The following PARP4 variants were observed in gnomAD, a reference collection of about 807,000 sequenced individuals.
The protein encoded by PARP4 is protein mono-ADP-ribosyltransferase PARP4.
PARP4 carries 120 observed loss-of-function variants against 187.7 expected under a neutral mutation model. The observed-to-expected ratio is 0.64, with a 90% CI of 0.55 to 0.74. The LOEUF is 0.74. Ranked by LOEUF, PARP4 falls within the 30% of genes least tolerant of loss-of-function variation. The probability of loss-of-function intolerance (pLI) is 0.00; values close to 1 mark genes in which losing one functional copy is unlikely to be tolerated. For missense variants in PARP4, 1,836 were observed against 2,070.5 expected, an observed-to-expected ratio of 0.89 and a Z score of 2.20; for synonymous variants, 654 against 740.9, an observed-to-expected ratio of 0.88 and a Z score of 1.90.
chr13:24,440,434 A>C (rs1415325857), intron 30 of PARP4, among the ~76,000 whole-genome samples: 1 of 151,260 alleles, frequency 6.6e-6, no homozygotes, highest in African/African-American at 2.4e-5. Context: ...AAAAAAAAAA[A>C]AAAAGAAATC....
chr13:24,479,423 G>C (rs1593632891), intron 12 of PARP4, among the ~76,000 whole-genome samples: 1 of 152,144 alleles, frequency 6.6e-6, no homozygotes, highest in East Asian at 1.9e-4. Flanking sequence ...TTCTGGCAAA[G>C]GGGGCCCAGC....
chr13:24,485,245 CTG>C (rs1593638430), intron 11 of PARP4, among the ~76,000 whole-genome samples: 1 of 152,000 alleles, frequency 6.6e-6, no homozygotes, highest in African/African-American at 2.4e-5. Context: ...CCTAAATCTT[CTG>C]TGTTTTTGGG....
chr13:24,436,117 T>C (rs977633202), intron 30 of PARP4, among the ~76,000 whole-genome samples: 10 of 152,084 alleles, frequency 6.6e-5, no homozygotes, highest in African/African-American at 2.4e-4. Context: ...ATTTTACACA[T>C]GAGGGAACTG....
chr13:24,468,400 CTTTTTTTTTT>C (rs140804702), intron 17 of PARP4, among the ~76,000 whole-genome samples: 3 of 121,266 alleles, frequency 2.5e-5, no homozygotes, highest in Non-Finnish European at 3.4e-5. Context: ...TATCACACTC[CTTTTTTTTTT>C]TTTTTTTTTT....
intron 11 of PARP4, among the ~76,000 whole-genome samples, chr13:24,485,659 TTA>T (rs1377941442): frequency 1.3e-5 from 2 of 152,136 alleles, no homozygotes; most frequent in Non-Finnish European, 2.9e-5. Context: ...AATCTTAGAG[TTA>T]TGTTTCAAAT....
chr13:24,438,735 T>C (rs1407137778), intron 30 of PARP4, among the ~76,000 whole-genome samples: 1 of 152,104 alleles, frequency 6.6e-6, no homozygotes, highest in Non-Finnish European at 1.5e-5. Flanking sequence ...AGAAAAGGTG[T>C]TGCGCTCCCT....
chr13:24,423,530 C>CAAAAAAATA (rs113636449), intron 33 of PARP4, among the ~76,000 whole-genome samples: 46 of 54,946 alleles, frequency 8.4e-4, no homozygotes, highest in African/African-American at 4.1e-3. Context: ...GATCTGGCCT[C>CAAAAAAATA]AAAAAATAAA....
intron 6 of PARP4, 76 bp from the exon 7 acceptor site, chr13:24,494,798 A>G: frequency 1.1e-6 from 1 of 904,078 alleles, no homozygotes; most frequent in Non-Finnish European, 1.7e-6. Context: ...ATAAAGCAGT[A>G]GGTCCTTGAC....
rs1222430384 is a variant in PARP4, at chr13:24,493,683, G to A, written c.792C>T (p.Ser264=). The change falls in exon 8 of 34, where the codon AGC becomes AGT. Residue 264 remains serine, a synonymous_variant. Coordinates refer to ENST00000381989, the MANE Select transcript of PARP4 (RefSeq NM_006437.4). ...CTGCCCAAATCATCTCTACTAAATC[G>A]CTCACCTCTTGGCTCAGAGTGCTTG... is the stretch of plus-strand genomic sequence containing the variant. ...MNSSTLSQEV[S]DLVEMIWAEA... 8.7e-6 allele frequency: 14 copies of A among 1,613,720 alleles called. No individual in the cohort carries two copies. The East Asian group carries it at 1.6e-4, about 18-fold the overall frequency.
intron 1 of PARP4, among the ~76,000 whole-genome samples, chr13:24,505,630 G>A (rs368095274): frequency 1.3e-5 from 2 of 152,162 alleles, no homozygotes; most frequent in East Asian, 1.9e-4. Context: ...CTGGGTTCAA[G>A]CAATTCTCCT....
chr13:24,486,122 A>T (rs371314288), intron 11 of PARP4, 46 bp downstream of exon 11: 157 of 1,556,786 alleles, frequency 1.0e-4, no homozygotes, highest in Non-Finnish European at 1.2e-4. Flanking sequence ...AACACTTCAC[A>T]TTTGTGAGCC....
At chr13:24,440,709 AG>A (rs1413574185) in intron 30 of PARP4, among the ~76,000 whole-genome samples, 2 of 150,326 alleles carry the variant, frequency 1.3e-5, no homozygotes, top group Admixed American at 6.6e-5. Context: ...TTCAGACCTG[AG>A]CATTCGGCCA....
At chr13:24,479,401 T>C (rs1210000019) in intron 12 of PARP4, among the ~76,000 whole-genome samples, 3 of 152,160 alleles carry the variant, frequency 2.0e-5, no homozygotes, top group Admixed American at 2.0e-4. Context: ...TATTCCTTCC[T>C]ATCTCACCAC....
At chr13:24,451,608 T>A (rs2137468865) in intron 24 of PARP4, among the ~76,000 whole-genome samples, 1 of 151,724 alleles carries the variant, frequency 6.6e-6, no homozygotes, top group African/African-American at 2.4e-5. Flanking sequence ...TTCTGCCCCA[T>A]GAAGAAGCTG....
In PARP4 at chr13:24,478,174, G is replaced by A; in HGVS notation, c.1551C>T (p.Asp517=). The A allele has an allele frequency of 6.2e-7, 1 of 1,613,902 alleles. No homozygotes were observed. The highest frequency in any genetic ancestry group is 8.5e-7 in the Non-Finnish European group (1 of 1,179,816). ...LGKCMDLHEK[D]FSLTEAPPGY... is the part of the protein sequence containing the mutation. ...CTGGTGGTGCTTCAGTTAAGGAAAA[G>A]TCCTTCTCATGTAAGTCCATACACT... Residue 517 remains aspartate (D), a synonymous_variant, in exon 13 of 34, where the codon GAC becomes GAT. Coordinates refer to ENST00000381989, the MANE Select transcript of PARP4 (RefSeq NM_006437.4).
chr13:24,445,746 G>T (rs1871177295), intron 27 of PARP4, among the ~76,000 whole-genome samples: 1 of 152,160 alleles, frequency 6.6e-6, no homozygotes, highest in Non-Finnish European at 1.5e-5. Context: ...TAAGAAATTT[G>T]AGAAATTTCT....
chr13:24,443,665 A>G lies in PARP4; in HGVS notation c.3432T>C (p.Asn1144=). Residue 1144 remains asparagine, a synonymous_variant, in exon 28 of 34, where the codon AAT becomes AAC. Coordinates refer to ENST00000381989, the MANE Select transcript of PARP4 (RefSeq NM_006437.4). The part of the protein sequence containing the change: ...RDYEDGILHE[N]ETSHEMKKQT... ...AAGAACAAACCTCATGACTGGTTTC[A>G]TTTTCGTGAAGAATGCCATCTTCAT... 6.2e-6 allele frequency: 10 copies of G among 1,610,524 alleles called. No homozygotes were observed. Among genetic ancestry groups the G allele is most frequent in the Non-Finnish European group, 8.5e-6 (10 of 1,176,750 alleles).
intron 1 of PARP4, among the ~76,000 whole-genome samples, chr13:24,510,927 C>G (rs543613146): frequency 1.1e-3 from 162 of 152,200 alleles, no homozygotes; most frequent in Non-Finnish European, 1.6e-3. Flanking sequence ...TACTTAGTAG[C>G]TGGGACCACA....
chr13:24,426,926 A>G (rs1316971286), intron 32 of PARP4, among the ~76,000 whole-genome samples: 2 of 150,784 alleles, frequency 1.3e-5, no homozygotes, highest in African/African-American at 2.4e-5. Flanking sequence ...AAGAATTATA[A>G]TACGGTTAAA....
Sources: gnomAD v4.1 joint callset for allele counts (sites outside exome capture counted in the v4.1 genomes callset) on GRCh38, gnomAD v4.1.1 for gene constraint, MANE v1.5 for transcripts, NCBI Gene and HGNC (gene_info 2026-07-23, HGNC 2026-07-21) for gene names.